The following FGGY variants were observed in gnomAD, a reference collection of about 807,000 sequenced individuals.
The protein encoded by FGGY is FGGY carbohydrate kinase domain-containing protein.
A neutral mutation model predicts 71.3 loss-of-function variants in FGGY; 72 were observed. The ratio of observed to expected loss-of-function variants is 1.01; its 90% CI spans 0.84 to 1.23. FGGY has a LOEUF of 1.23. Among genes scored for constraint, FGGY ranks in the 50% most tolerant of loss-of-function variants. FGGY has a pLI of 0.00. For synonymous variants in FGGY, 251 were observed against 250.3 expected (o/e 1.00, Z -0.02); for missense variants, 668 against 682.3 (o/e 0.98, Z 0.23).
At chr1:59,608,030 A>T in intron 9 of FGGY, 120 bp downstream of exon 9, 1 of 724,396 alleles carries the variant, frequency 1.4e-6, no homozygotes, top group South Asian at 1.8e-5. Flanking sequence ...ATCGGGGTGT[A>T]CTTTCTCTTA....
At chr1:59,742,409 A>C (rs2098158503) in intron 14 of FGGY, among the ~76,000 whole-genome samples, 1 of 152,208 alleles carries the variant, frequency 6.6e-6, no homozygotes, top group Admixed American at 6.5e-5. Flanking sequence ...GCTTCCACTG[A>C]CAACATATTT....
chr1:59,667,081 T>G (rs1293293708), intron 12 of FGGY, among the ~76,000 whole-genome samples: 4 of 152,246 alleles, frequency 2.6e-5, no homozygotes, highest in Non-Finnish European at 5.9e-5. Flanking sequence ...TTGGAATCAG[T>G]CAGGCCCAAC....
intron 14 of FGGY, chr1:59,697,579 TCTGCTGATTATAACCATCGTCG>T (rs1190694270): frequency 1.2e-6 from 1 of 835,068 alleles, no homozygotes; most frequent in African/African-American, 1.8e-5. Flanking sequence ...TTCTCTGTGA[TCTGCTGATTATAACCATCGTCG>T]CTGTGAAGAC....
At chr1:59,454,849 A>C (rs563365047) in intron 5 of FGGY, among the ~76,000 whole-genome samples, 6 of 152,230 alleles carry the variant, frequency 3.9e-5, no homozygotes, top group African/African-American at 1.2e-4. Context: ...GGATCCTAGT[A>C]TAGTGCCAGG....
At chr1:59,662,034 T>C (rs1367893297) in intron 12 of FGGY, among the ~76,000 whole-genome samples, 1 of 145,138 alleles carries the variant, frequency 6.9e-6, no homozygotes, top group Admixed American at 6.7e-5. Flanking sequence ...AAGAGGTATT[T>C]TATAGGCCAG....
intron 6 of FGGY, chr1:59,474,053 A>G (rs1259660527): frequency 6.6e-6 from 1 of 152,232 alleles, no homozygotes; most frequent in Non-Finnish European, 1.5e-5. Context: ...GGAGGACAAG[A>G]ATATTCACTC....
intron 6 of FGGY, among the ~76,000 whole-genome samples, chr1:59,484,627 C>G (rs533165224): frequency 2.0e-4 from 31 of 152,258 alleles, no homozygotes; most frequent in African/African-American, 7.5e-4. Context: ...GTCACTCTCA[C>G]TTGCATTATT....
chr1:59,684,961 A>G lies in FGGY; in HGVS notation c.1512+10828A>G, dbSNP rs187679294. Among the ~76,000 whole-genome samples the G allele has an allele frequency of 6.9e-4, 105 of 152,328 alleles. 1 individual carries two copies. The highest frequency in any genetic ancestry group is 2.5e-3 in the African/African-American group (102 of 41,584). On this transcript the variant is annotated intron_variant, in intron 14 of 15. Coordinates refer to ENST00000303721, the MANE Select transcript of FGGY (RefSeq NM_018291.5). The stretch of plus-strand genomic sequence containing the variant: ...TTCATTTGATCTTCACCACAACCCT[A>G]TGAGGTAGGTGGCATCATTGTGCCA...
chr1:59,403,398 CT>C (rs1398605114), intron 5 of FGGY, among the ~76,000 whole-genome samples: 2 of 152,108 alleles, frequency 1.3e-5, no homozygotes, highest in African/African-American at 2.4e-5. Context: ...TTAGGGGACA[CT>C]GAGCAGAAAG....
chr1:59,319,108 T>A (rs912378736), intron 1 of FGGY, among the ~76,000 whole-genome samples: 8 of 152,260 alleles, frequency 5.3e-5, no homozygotes, highest in African/African-American at 1.9e-4. Context: ...GATTGCAAGA[T>A]GCACCATTAT....
At chr1:59,317,099 C>T (rs747553397) in intron 1 of FGGY, among the ~76,000 whole-genome samples, 38 of 152,200 alleles carry the variant, frequency 2.5e-4, no homozygotes, top group Non-Finnish European at 4.9e-4. Flanking sequence ...GGAAATGGGG[C>T]TCATACTGCC....
intron 14 of FGGY, among the ~76,000 whole-genome samples, chr1:59,745,504 G>A (rs2098188508): frequency 6.6e-6 from 1 of 152,178 alleles, no homozygotes. Flanking sequence ...ATCATGGGAA[G>A]GAATTACTAT....
At chr1:59,345,007 C>G (rs1192856821) in intron 3 of FGGY, among the ~76,000 whole-genome samples, 1 of 152,040 alleles carries the variant, frequency 6.6e-6, no homozygotes, top group African/African-American at 2.4e-5. Context: ...GATCTAGTTC[C>G]AAAATACACT....
chr1:59,383,752 A>G (rs11585625), intron 5 of FGGY, among the ~76,000 whole-genome samples: 32,595 of 152,078 alleles, frequency 0.21, 3,604 homozygotes, highest in East Asian at 0.36. Flanking sequence ...CTTTCAACCA[A>G]TTGTCAATCA....
chr1:59,399,885 G>A (rs1252931623), intron 5 of FGGY, among the ~76,000 whole-genome samples: 1 of 152,196 alleles, frequency 6.6e-6, no homozygotes, highest in East Asian at 1.9e-4. Context: ...GTGTATAGAT[G>A]CTCAATCTGG....
At chr1:59,306,613 C>G (rs2043476032) in intron 1 of FGGY, among the ~76,000 whole-genome samples, 1 of 152,184 alleles carries the variant, frequency 6.6e-6, no homozygotes, top group Non-Finnish European at 1.5e-5. Context: ...TGACCTTACT[C>G]TTCTCCTTCC....
intron 6 of FGGY, among the ~76,000 whole-genome samples, chr1:59,464,566 A>C (rs2092484529): frequency 6.6e-6 from 1 of 152,202 alleles, no homozygotes; most frequent in Admixed American, 6.5e-5. Context: ...CCTTCAAAAA[A>C]TCAATGAATC....
chr1:59,500,553 C>G (rs1029886906), intron 6 of FGGY, among the ~76,000 whole-genome samples: 1 of 150,324 alleles, frequency 6.7e-6, no homozygotes, highest in Non-Finnish European at 1.5e-5. Context: ...ATTTTAAGTG[C>G]CTTTTTTGCA....
chr1:59,416,635 T>A (rs140288240), intron 5 of FGGY, among the ~76,000 whole-genome samples: 3 of 152,350 alleles, frequency 2.0e-5, no homozygotes, highest in African/African-American at 7.2e-5. Flanking sequence ...TTCTTTGGAC[T>A]TTTCCCTCAT....
Sources: allele counts gnomAD v4.1 joint callset (sites outside exome capture counted in the v4.1 genomes callset), GRCh38; gene constraint gnomAD v4.1.1; transcripts MANE v1.5; gene names NCBI Gene and HGNC (gene_info 2026-07-23, HGNC 2026-07-21).